ABLIM2: variants seen among roughly 807,000 people sequenced by gnomAD.
ABLIM2 encodes actin-binding LIM protein 2.
A neutral mutation model predicts 97.7 loss-of-function variants in ABLIM2; 53 were observed. That is an observed-to-expected ratio of 0.54 (90% CI 0.44 to 0.68). The LOEUF (loss-of-function observed/expected upper bound fraction) is 0.68, where lower values mean the gene tolerates loss of function less well. ABLIM2 is among the 30% of genes least tolerant of loss of function. The probability of loss-of-function intolerance (pLI) is 0.00; values close to 1 mark genes in which losing one functional copy is unlikely to be tolerated. For missense variants in ABLIM2, 835 were observed against 867.2 expected, an observed-to-expected ratio of 0.96 and a Z score of 0.47; for synonymous variants, 361 against 345.8, an observed-to-expected ratio of 1.04 and a Z score of -0.49.
intron 16 of ABLIM2, among the ~76,000 whole-genome samples, chr4:7,995,470 T>G (rs962553341): frequency 6.6e-6 from 1 of 152,180 alleles, no homozygotes; most frequent in African/African-American, 2.4e-5. Context: ...ACCCGCTCTC[T>G]CCGGGGACCT....
chr4:8,118,153 G>A (rs965265457), intron 1 of ABLIM2, among the ~76,000 whole-genome samples: 3 of 152,228 alleles, frequency 2.0e-5, no homozygotes, highest in African/African-American at 7.2e-5. Flanking sequence ...GTGGTGTGGT[G>A]AGACTCAGAG....
At chr4:8,008,477 G>A (rs2150413230) in intron 15 of ABLIM2, among the ~76,000 whole-genome samples, 1 of 152,350 alleles carries the variant, frequency 6.6e-6, no homozygotes, top group African/African-American at 2.4e-5. Context: ...GGGGCCCACA[G>A]GGCTCTGCAC....
In ABLIM2 at chr4:8,113,445, T is replaced by G. The variant is rs1841320653; in HGVS notation, c.11-6808A>C. ...CGATCTGTGCCCACGGATCTATATT[T>G]AGTTCCACCCTTCTCTAAGGGCCCA... On this transcript the variant is annotated intron_variant, in intron 1 of 20. Transcript: ENST00000447017. This position sits in a 1 kb window ranked among gnomAD's most constrained non-coding sequence, Gnocchi z 4.5. Among the ~76,000 whole-genome samples the G allele has an allele frequency of 6.6e-6, 1 of 152,228 alleles. No homozygotes were observed. Among genetic ancestry groups the G allele is most frequent in the Non-Finnish European group, 1.5e-5 (1 of 68,046 alleles).
At chr4:7,981,220 G>A (rs568222057) in intron 20 of ABLIM2, among the ~76,000 whole-genome samples, 69 of 152,134 alleles carry the variant, frequency 4.5e-4, no homozygotes, top group African/African-American at 1.1e-3. Flanking sequence ...TGGGATTACA[G>A]GCATGAGCCA....
rs541452402 is a variant in ABLIM2 at position 8,058,281 on chromosome 4, G to A, written c.763+2686C>T. ...GGACGGTCCCAAAGGACCCTTTGAC[G>A]GGCTCTCGAGCAGAGACTCAAGGAA... On this transcript the variant is annotated intron_variant, in intron 7 of 20. Transcript: ENST00000447017. This position sits in a 1 kb window ranked among gnomAD's most constrained non-coding sequence, Gnocchi z 4.2. 2.0e-4 allele frequency among the ~76,000 whole-genome samples: 31 copies of A among 152,324 alleles called. No individual in the cohort carries two copies. In the East Asian group the frequency reaches 2.7e-3, roughly 13 times the overall value.
chr4:8,115,230 G>A (rs1842304610), intron 1 of ABLIM2, among the ~76,000 whole-genome samples: 1 of 152,198 alleles, frequency 6.6e-6, no homozygotes, highest in South Asian at 2.1e-4. Context: ...CTCCTGGGAT[G>A]TCATCCACCC....
At position 8,149,677 on chromosome 4, in the gene ABLIM2, AG is replaced by A. The variant is rs1485201967; in HGVS notation, c.10+9002del. 2.0e-5 allele frequency among the ~76,000 whole-genome samples: 3 copies of A among 151,952 alleles called. No individual in the cohort carries two copies. Among genetic ancestry groups the A allele is most frequent in the Admixed American group, 6.6e-5 (1 of 15,248 alleles). On this transcript the variant is annotated intron_variant, in intron 1 of 20. Transcript: ENST00000447017. This position sits in a 1 kb window ranked among gnomAD's most constrained non-coding sequence, Gnocchi z 6.4. The stretch of plus-strand genomic sequence containing the variant: ...GATCAGGGCAAAGACAGCACATAGT[AG>A]GTGCTTAATAAATAGTCGTGGAGGG...
intron 14 of ABLIM2, among the ~76,000 whole-genome samples, chr4:8,010,053 T>A (rs1015592732): frequency 3.3e-5 from 5 of 152,084 alleles, no homozygotes; most frequent in Non-Finnish European, 7.4e-5. Context: ...AGTCAGGAAA[T>A]GACAAAATTA....
rs1348755337 is a variant in ABLIM2 at position 8,069,584 on chromosome 4, T to TCC, written c.675+8043_675+8044insGG. Among the ~76,000 whole-genome samples, 1 of 152,004 alleles carries TCC rather than the reference T, an allele frequency of 6.6e-6. No individual in the cohort carries two copies. The highest frequency in any genetic ancestry group is 1.5e-5 in the Non-Finnish European group (1 of 68,002). On this transcript the variant is annotated intron_variant, in intron 6 of 20. Coordinates refer to ENST00000447017, the MANE Select transcript of ABLIM2 (RefSeq NM_001130083.2). The surrounding 1 kb of genome is among the most constrained non-coding windows in gnomAD (Gnocchi z 4.2). ...GCATGTGCGTGTCTGTGTGTCTCTGTGTTTTGCCTGGTGTCTGTGTGGATG... is the reference window on the plus strand; with the variant it reads ...GCATGTGCGTGTCTGTGTGTCTCTGTCCGTTTTGCCTGGTGTCTGTGTGGATG...
chr4:8,010,379 C>G, intron 14 of ABLIM2: 4 of 985,840 alleles, frequency 4.1e-6, no homozygotes, highest in Non-Finnish European at 4.8e-6. Context: ...GTCCCCAGCC[C>G]GCCACGAAGA....
rs1306220147 is a variant in ABLIM2 at position 8,032,115 on chromosome 4, C to A, written c.1048-2339G>T. Among the ~76,000 whole-genome samples, 9 of 152,042 alleles carry A rather than the reference C, an allele frequency of 5.9e-5. No homozygotes were observed. Among genetic ancestry groups the A allele is most frequent in the African/African-American group, 9.7e-5 (4 of 41,384 alleles). Reference sequence around the variant, plus strand: ...CTGTCTATTCCTGGCTACCATGACACCTTTCTGCTGTGGCCACCCGTGCGG... The same window carrying A: ...CTGTCTATTCCTGGCTACCATGACAACTTTCTGCTGTGGCCACCCGTGCGG... On this transcript the variant is annotated intron_variant, in intron 10 of 20. Transcript: ENST00000447017. The surrounding 1 kb of genome is among the most constrained non-coding windows in gnomAD (Gnocchi z 4.3).
chr4:8,078,106 G>A (rs914257667), intron 5 of ABLIM2, among the ~76,000 whole-genome samples: 4 of 152,150 alleles, frequency 2.6e-5, no homozygotes, highest in African/African-American at 9.7e-5. Context: ...CCAAAGAGGG[G>A]GGACAGTAAG....
chr4:8,009,093 C>T lies in ABLIM2; in HGVS notation c.1433G>A (p.Arg478Gln), dbSNP rs928610906. 6.8e-6 allele frequency: 11 copies of T among 1,613,930 alleles called. No homozygotes were observed. The highest frequency in any genetic ancestry group is 6.6e-5 in the South Asian group (6 of 91,084). ...PPIYRQHAARRSDGEDGSLDQ... is the reference protein window; with the variant it reads ...PPIYRQHAARQSDGEDGSLDQ... The stretch of plus-strand genomic sequence containing the variant: ...CAAGCTTCCATCCTCCCCATCCGAT[C>T]GCCTGGCAGCTGGAAGGGAAAAATC... Residue 478 changes from arginine (R) to glutamine (Q), a missense_variant, in exon 15 of 21, where the codon CGA becomes CAA. Transcript: ENST00000447017.
chr4:8,143,184 C>A (rs1442746260), intron 1 of ABLIM2, among the ~76,000 whole-genome samples: 1 of 141,762 alleles, frequency 7.1e-6, no homozygotes, highest in Admixed American at 7.4e-5. Context: ...TCTGCAAATG[C>A]ATCTCCTGGG....
intron 7 of ABLIM2, among the ~76,000 whole-genome samples, chr4:8,055,851 G>A (rs1306196780): frequency 2.0e-5 from 3 of 152,030 alleles, no homozygotes; most frequent in East Asian, 1.9e-4. Flanking sequence ...GGTGGCTCAC[G>A]CCTGTAATCC....
At position 8,106,762 on chromosome 4, in the gene ABLIM2, C is replaced by G. The variant is rs140308824; in HGVS notation, c.11-125G>C. ...GGGCCCCGCACCCACCAGCACGAGC[C>G]GCACGGGGCATCGGGGTCGGTCTGT... is the stretch of plus-strand genomic sequence containing the variant. On this transcript the variant is annotated intron_variant, in intron 1 of 20. Transcript: ENST00000447017. 4.7e-5 allele frequency: 56 copies of G among 1,198,020 alleles called. No individual in the cohort carries two copies. In the South Asian group the frequency reaches 7.9e-4, roughly 17 times the overall value. The allele number at this position is 1,198,020 out of a possible 1,614,324, so 74.2% of individuals were successfully genotyped here.
At chr4:8,029,888 C>A (rs1322748428) in intron 10 of ABLIM2, 112 bp from the exon 11 acceptor site, 4 of 1,374,736 alleles carry the variant, frequency 2.9e-6, no homozygotes, top group Non-Finnish European at 3.9e-6. Flanking sequence ...AAGTGGATGA[C>A]TCAACATGGC....
At chr4:8,077,779 TAAC>T in intron 5 of ABLIM2, 58 bp from the exon 6 acceptor site, 1 of 1,438,106 alleles carries the variant, frequency 7.0e-7, no homozygotes, top group Admixed American at 1.9e-5. Flanking sequence ...CCTTGAGATC[TAAC>T]AACCCTCACC....
At chr4:8,059,689 G>T (rs1454765297) in intron 7 of ABLIM2, among the ~76,000 whole-genome samples, 1 of 151,966 alleles carries the variant, frequency 6.6e-6, no homozygotes, top group African/African-American at 2.4e-5. Flanking sequence ...ATTGCCTGAG[G>T]TCAGGAGTTT....
Sources: allele counts gnomAD v4.1 joint callset (sites outside exome capture counted in the v4.1 genomes callset), GRCh38; gene constraint gnomAD v4.1.1; non-coding constraint Gnocchi (gnomAD v3.1); transcripts MANE v1.5; gene names NCBI Gene and HGNC (gene_info 2026-07-23, HGNC 2026-07-21).